CTNNA3: variants seen among roughly 807,000 people sequenced by gnomAD.
The protein encoded by CTNNA3 is catenin alpha 3.
CTNNA3 carries 76 observed loss-of-function variants against 95.7 expected under a neutral mutation model. That is an observed-to-expected ratio of 0.79 (90% CI 0.66 to 0.96). The LOEUF is 0.96. Ranked by LOEUF, CTNNA3 falls within the 40% of genes least tolerant of loss-of-function variation. The probability of loss-of-function intolerance (pLI) is 0.00; values close to 1 mark genes in which losing one functional copy is unlikely to be tolerated. For missense variants in CTNNA3, 1,191 were observed against 1,089.8 expected, an observed-to-expected ratio of 1.09 and a Z score of -1.31; for synonymous variants, 431 against 374.4, an observed-to-expected ratio of 1.15 and a Z score of -1.74.
At position 67,044,766 on chromosome 10, in the gene CTNNA3, A is replaced by G. The variant is rs148934079; in HGVS notation, c.1047+135551T>C. On this transcript the variant is annotated intron_variant, in intron 7 of 17. Coordinates refer to ENST00000433211, the MANE Select transcript of CTNNA3 (RefSeq NM_013266.4). ...ATAGATATTTTGCTCAGCAAAAAGCATGATTCAGCCTAGCACAGTGGAAAG... is the reference window on the plus strand; with the variant it reads ...ATAGATATTTTGCTCAGCAAAAAGCGTGATTCAGCCTAGCACAGTGGAAAG... Among the ~76,000 whole-genome samples, 613 of 152,336 alleles carry G rather than the reference A, an allele frequency of 4.0e-3. 3 individuals are homozygous for G. Among genetic ancestry groups the G allele is most frequent in the African/African-American group, 0.014 (585 of 41,578 alleles).
At chr10:67,029,495 CT>C (rs1853590955) in intron 7 of CTNNA3, among the ~76,000 whole-genome samples, 1 of 152,266 alleles carries the variant, frequency 6.6e-6, no homozygotes, top group Admixed American at 6.5e-5. Context: ...GGGTACTCAT[CT>C]ACTTGAGTCA....
intron 11 of CTNNA3, among the ~76,000 whole-genome samples, chr10:66,442,650 A>C (rs1319094739): frequency 6.6e-6 from 1 of 152,208 alleles, no homozygotes; most frequent in Non-Finnish European, 1.5e-5. Context: ...AATAAGAATG[A>C]AAGACAACTA....
At chr10:67,053,586 G>A (rs1285095722) in intron 7 of CTNNA3, among the ~76,000 whole-genome samples, 8 of 152,092 alleles carry the variant, frequency 5.3e-5, no homozygotes, top group Non-Finnish European at 1.2e-4. Flanking sequence ...AAATTCTTTT[G>A]TTTTCATCTG....
intron 13 of CTNNA3, among the ~76,000 whole-genome samples, chr10:66,129,220 T>G (rs1360847887): frequency 6.6e-6 from 1 of 152,156 alleles, no homozygotes; most frequent in Non-Finnish European, 1.5e-5. Context: ...GCCGAGATTG[T>G]GCCATTGCAC....
chr10:66,736,624 A>G (rs983973536), intron 9 of CTNNA3, among the ~76,000 whole-genome samples: 1 of 152,066 alleles, frequency 6.6e-6, no homozygotes, highest in African/African-American at 2.4e-5. Context: ...TGGGCCAAAA[A>G]TTTAATAATT....
At position 66,653,229 on chromosome 10, in the gene CTNNA3, C is replaced by G. The variant is rs1165013412; in HGVS notation, c.1282-31445G>C. On this transcript the variant is annotated intron_variant, in intron 9 of 17. Transcript: ENST00000433211. ...TAAATAGAAAAAATTAGTGACCTCA[C>G]TAAACTACTCTTAAAACTGATACAT... 2.0e-5 allele frequency among the ~76,000 whole-genome samples: 3 copies of G among 152,058 alleles called. No individual in the cohort carries two copies. The East Asian group carries it at 5.8e-4, about 29-fold the overall frequency.
At chr10:66,782,304 C>G (rs999891652) in intron 7 of CTNNA3, among the ~76,000 whole-genome samples, 1 of 152,126 alleles carries the variant, frequency 6.6e-6, no homozygotes, top group African/African-American at 2.4e-5. Flanking sequence ...ATTGGTGTTA[C>G]CAATGTCACA....
intron 3 of CTNNA3, among the ~76,000 whole-genome samples, chr10:67,572,708 G>A (rs1842017344): frequency 6.6e-6 from 1 of 152,104 alleles, no homozygotes; most frequent in Non-Finnish European, 1.5e-5. Context: ...TTGTTTCTGA[G>A]TTACCTAAGT....
At chr10:66,902,887 T>A (rs1845815669) in intron 7 of CTNNA3, among the ~76,000 whole-genome samples, 1 of 146,054 alleles carries the variant, frequency 6.8e-6, no homozygotes, top group African/African-American at 2.4e-5. Flanking sequence ...CAATAATTAA[T>A]AGCATACCAA....
At chr10:67,074,762 C>T (rs1856660853) in intron 7 of CTNNA3, among the ~76,000 whole-genome samples, 1 of 146,856 alleles carries the variant, frequency 6.8e-6, no homozygotes. Context: ...CAGCTAAAGA[C>T]ATGTATATAA....
chr10:66,791,678 C>A (rs1304929950), intron 7 of CTNNA3, among the ~76,000 whole-genome samples: 2 of 152,170 alleles, frequency 1.3e-5, no homozygotes, highest in Non-Finnish European at 1.5e-5. Context: ...CTCCTCACCC[C>A]CAGCATGTGG....
In CTNNA3 at chr10:66,383,444, T is replaced by A. The variant is rs187311105; in HGVS notation, c.1532-4092A>T. The stretch of plus-strand genomic sequence containing the variant: ...AAAGCCTCCAAGAAATATGGGACTA[T>A]GTGAAAAGACCAAATCTATGTTTGA... On this transcript the variant is annotated intron_variant, in intron 11 of 17. Coordinates refer to ENST00000433211, the MANE Select transcript of CTNNA3 (RefSeq NM_013266.4). 2.3e-3 allele frequency among the ~76,000 whole-genome samples: 345 copies of A among 152,312 alleles called. 3 individuals carry two copies. The highest frequency in any genetic ancestry group is 0.01 in the Middle Eastern group (3 of 294).
chr10:67,560,420 T>G (rs1241717761), intron 3 of CTNNA3, among the ~76,000 whole-genome samples: 2 of 152,086 alleles, frequency 1.3e-5, no homozygotes, highest in African/African-American at 4.8e-5. Context: ...TAAAATACTT[T>G]ACAGACAAGC....
At chr10:67,418,514 T>TAAA (rs71006149) in intron 5 of CTNNA3, among the ~76,000 whole-genome samples, 12 of 144,242 alleles carry the variant, frequency 8.3e-5, no homozygotes, top group South Asian at 2.2e-4. Flanking sequence ...TATTTCACTG[T>TAAA]AAAAAAAAAA....
chr10:66,928,792 G>A (rs1266226761), intron 7 of CTNNA3, among the ~76,000 whole-genome samples: 1 of 152,102 alleles, frequency 6.6e-6, no homozygotes, highest in Non-Finnish European at 1.5e-5. Flanking sequence ...CCCCACATTC[G>A]CTGTTAGCCT....
rs536553225 is a variant in CTNNA3, at chr10:66,460,013, TAGAC to T, written c.1531+60600_1531+60603del. Among the ~76,000 whole-genome samples, 12 of 152,260 alleles carry T rather than the reference TAGAC, an allele frequency of 7.9e-5. No individual in the cohort carries two copies. In the South Asian group the frequency reaches 1.0e-3, roughly 13 times the overall value. ...GATCTAACATTTTTTTCTTCCAAAATAGACAGCCAATTGCCAAAACAAATATATT... is the reference window on the plus strand; with the variant it reads ...GATCTAACATTTTTTTCTTCCAAAATAGCCAATTGCCAAAACAAATATATT... On this transcript the variant is annotated intron_variant, in intron 11 of 17. Coordinates refer to ENST00000433211, the MANE Select transcript of CTNNA3 (RefSeq NM_013266.4).
chr10:67,427,957 T>C lies in CTNNA3; in HGVS notation c.579+93885A>G, dbSNP rs1346155465. On this transcript the variant is annotated intron_variant, in intron 5 of 17. Transcript: ENST00000433211. ...AACAGTGAGGTCTCAAGGTCCACCT[T>C]TCATCTCCCTGCTTCTAGAGAAAAA... Among the ~76,000 whole-genome samples the C allele has an allele frequency of 3.9e-4, 59 of 152,188 alleles. 2 individuals are homozygous for C. The highest frequency in any genetic ancestry group is 3.8e-3 in the Admixed American group (58 of 15,258).
intron 15 of CTNNA3, among the ~76,000 whole-genome samples, chr10:66,051,577 CCAAA>C (rs1218864433): frequency 6.6e-6 from 1 of 152,226 alleles, no homozygotes; most frequent in East Asian, 1.9e-4. Flanking sequence ...TTAGTGATTT[CCAAA>C]CAGTTACATT....
At chr10:67,521,292 G>A (rs532005846) in intron 5 of CTNNA3, among the ~76,000 whole-genome samples, 236 of 152,042 alleles carry the variant, frequency 1.6e-3, no homozygotes, top group African/African-American at 5.3e-3. Context: ...ATTTATCTAG[G>A]GGCCTACAAA....
Sources: allele counts gnomAD v4.1 joint callset (sites outside exome capture counted in the v4.1 genomes callset), GRCh38; gene constraint gnomAD v4.1.1; transcripts MANE v1.5; gene names NCBI Gene and HGNC (gene_info 2026-07-23, HGNC 2026-07-21).